Variants in MSANTD2 observed in about 807,000 individuals in gnomAD.
MSANTD2 encodes the protein myb/SANT-like DNA-binding domain-containing protein 2.
MSANTD2 carries 19 observed loss-of-function variants against 52.6 expected under a neutral mutation model. The ratio of observed to expected loss-of-function variants is 0.36; its 90% CI spans 0.25 to 0.53. MSANTD2 has a LOEUF of 0.53. MSANTD2 is among the 20% of genes least tolerant of loss of function. The pLI, the probability that MSANTD2 is intolerant of heterozygous loss-of-function variation, is 0.91. For missense variants in MSANTD2, 558 were observed against 716.3 expected (o/e 0.78, Z 2.52); for synonymous variants, 291 against 289.7 (o/e 1.00, Z -0.04).
chr11:124,788,709 G>C (rs1945244375), intron 1 of MSANTD2, among the ~76,000 whole-genome samples: 1 of 152,156 alleles, frequency 6.6e-6, no homozygotes, highest in Non-Finnish European at 1.5e-5. Flanking sequence ...CTCATGAACT[G>C]ATGGTTGATG....
At chr11:124,771,323 A>G (rs1397066581) in intron 3 of MSANTD2, among the ~76,000 whole-genome samples, 2 of 152,214 alleles carry the variant, frequency 1.3e-5, no homozygotes, top group Non-Finnish European at 2.9e-5. Flanking sequence ...AATGGCTACA[A>G]TTTGGGGGAA....
At chr11:124,797,788 G>A (rs1945540791) in intron 1 of MSANTD2, among the ~76,000 whole-genome samples, 1 of 151,968 alleles carries the variant, frequency 6.6e-6, no homozygotes. Flanking sequence ...AGGTCAACTT[G>A]GTTTTACCTG....
intron 1 of MSANTD2, among the ~76,000 whole-genome samples, chr11:124,778,438 C>T (rs1045837225): frequency 2.0e-5 from 3 of 152,126 alleles, no homozygotes; most frequent in African/African-American, 7.2e-5. Flanking sequence ...GGAAATCTCC[C>T]CGGTAAATTG....
intron 3 of MSANTD2, among the ~76,000 whole-genome samples, chr11:124,769,356 A>G (rs759619722): frequency 4.6e-5 from 7 of 152,300 alleles, no homozygotes; most frequent in Non-Finnish European, 1.0e-4. Flanking sequence ...CAAGTATGAG[A>G]GTGGCTATCT....
At chr11:124,789,396 G>C (rs1945261590) in intron 1 of MSANTD2, 1 of 152,106 alleles carries the variant, frequency 6.6e-6, no homozygotes, top group Non-Finnish European at 1.5e-5. Flanking sequence ...CTGAGAAAAT[G>C]CAACTAGAAA....
rs911389877 is a variant in MSANTD2 at position 124,779,760 on chromosome 11, G to A, written c.511-4786C>T. ...GATTACATAGTTATCTTAATCCACT[G>A]CCAAGTACACATGATAAATTTGAGA... On this transcript the variant is annotated intron_variant, in intron 1 of 3. Coordinates refer to ENST00000374979, the MANE Select transcript of MSANTD2 (RefSeq NM_001308027.2). The surrounding 1 kb of genome is among the most constrained non-coding windows in gnomAD (Gnocchi z 4.6). Among the ~76,000 whole-genome samples, 8 of 152,162 alleles carry A rather than the reference G, an allele frequency of 5.3e-5. No homozygotes were observed. The East Asian group carries it at 1.5e-3, about 29-fold the overall frequency.
intron 1 of MSANTD2, chr11:124,792,759 G>A (rs758794419): frequency 2.9e-4 from 44 of 152,090 alleles, no homozygotes; most frequent in Non-Finnish European, 4.3e-4. Context: ...ATCTGTTGAT[G>A]AATAATGAAA....
intron 1 of MSANTD2, chr11:124,784,522 C>T (rs1324493099): frequency 1.0e-6 from 1 of 984,042 alleles, no homozygotes; most frequent in Non-Finnish European, 1.2e-6. Flanking sequence ...CACAGCTTTA[C>T]CATTACAACA....
chr11:124,785,836 C>T (rs187833723), intron 1 of MSANTD2, among the ~76,000 whole-genome samples: 1 of 151,228 alleles, frequency 6.6e-6, no homozygotes, highest in African/African-American at 2.4e-5. Context: ...CCCTATTTTA[C>T]AGACAAGAAA....
chr11:124,767,217 G>A lies in MSANTD2; in HGVS notation c.1639C>T (p.Leu547=). The A allele has an allele frequency of 1.9e-6, 3 of 1,610,494 alleles. No individual in the cohort carries two copies. Among genetic ancestry groups the A allele is most frequent in the Non-Finnish European group, 8.5e-7 (1 of 1,179,072 alleles). ...AAGGGGTATCCAATGGCTTTTTCCA[G>A]GCACTCAACTAAAGAGCCTGCGGAA... ...FLSAGSLVEC[L]EKAIGYPLKF... The change falls in exon 4 of 4, where the codon CTG becomes TTG. Residue 547 remains leucine (L), a synonymous_variant. Coordinates refer to ENST00000374979, the MANE Select transcript of MSANTD2 (RefSeq NM_001308027.2). The surrounding 1 kb of genome is among the most constrained non-coding windows in gnomAD (Gnocchi z 6.5).
At chr11:124,781,268 G>A (rs1944957279) in intron 1 of MSANTD2, among the ~76,000 whole-genome samples, 1 of 152,022 alleles carries the variant, frequency 6.6e-6, no homozygotes, top group Non-Finnish European at 1.5e-5. Flanking sequence ...TACCTGCTGG[G>A]CAAGAAATCT....
Position 124,774,973 on chromosome 11 carries a change from G to C in MSANTD2, c.512C>G (p.Thr171Ser), listed in dbSNP as rs900729446. ...CACCCGACTGTAACACCTGCGAAGG[G>C]TCTAAGACACAAAGTCTTTTGTTAT... is the stretch of plus-strand genomic sequence containing the variant. Reference protein sequence around the residue: ...TPSQCRERIKTLRRCYSRVKE... With the variant: ...TPSQCRERIKSLRRCYSRVKE... Residue 171 changes from threonine (T) to serine (S), a missense_variant and splice_region_variant, in exon 2 of 4, where the codon ACC becomes AGC. By Grantham distance (58) the Thr-to-Ser change is moderately conservative. This residue lies in a region of MSANTD2 where 408 missense variants were observed against 573.6 expected (regional missense o/e 0.71). Transcript: ENST00000374979. This position sits in a 1 kb window ranked among gnomAD's most constrained non-coding sequence, Gnocchi z 5.1. 6.5e-7 allele frequency: 1 copy of C among 1,545,262 alleles called. No individual in the cohort carries two copies. Among genetic ancestry groups the C allele is most frequent in the African/African-American group, 1.4e-5 (1 of 73,336 alleles).
At chr11:124,786,786 C>T (rs1407351675) in intron 1 of MSANTD2, among the ~76,000 whole-genome samples, 1 of 152,190 alleles carries the variant, frequency 6.6e-6, no homozygotes, top group Non-Finnish European at 1.5e-5. Context: ...TGCTGTCCAT[C>T]TGGGTGTTAC....
At position 124,799,955 on chromosome 11, in the gene MSANTD2, C is replaced by G. The variant is rs776371376; in HGVS notation, c.426G>C (p.Gly142=). ...GGGACACGCGCTCGTACATGGCTGG[C>G]CCGGGGGCCTTGCTGCCGAACACCG... ...AGTVFGSKAP[G]PAMYERVSRA... The change falls in exon 1 of 4, where the codon GGG becomes GGC. Residue 142 remains glycine, a synonymous_variant. Transcript: ENST00000374979. The G allele has an allele frequency of 1.3e-6, 2 of 1,585,376 alleles. No individual in the cohort carries two copies. The highest frequency in any genetic ancestry group is 1.7e-6 in the Non-Finnish European group (2 of 1,174,658).
chr11:124,767,389 T>G lies in MSANTD2; in HGVS notation c.1467A>C (p.Leu489Phe). ...IAEVRTLQQCLFLHFQANTKT... is the reference protein window; with the variant it reads ...IAEVRTLQQCFFLHFQANTKT... ...TGGTATTCGCTTGGAAATGTAAAAA[T>G]AAGCACTGCTGTAGAGTCCTGACCT... The change falls in exon 4 of 4, where the codon TTA (leucine) becomes TTC (phenylalanine). Residue 489 changes from leucine (L) to phenylalanine (F), a missense_variant. Around this residue, in one of 2 missense-constraint regions of MSANTD2, gnomAD observed 408 missense variants for 573.6 expected, o/e 0.71. Transcript: ENST00000374979. This position sits in a 1 kb window ranked among gnomAD's most constrained non-coding sequence, Gnocchi z 6.5. The G allele has an allele frequency of 6.2e-7, 1 of 1,614,160 alleles. No homozygotes were observed. The highest frequency in any genetic ancestry group is 8.5e-7 in the Non-Finnish European group (1 of 1,180,030).
At chr11:124,788,812 T>C (rs4936953) in intron 1 of MSANTD2, among the ~76,000 whole-genome samples, 26,605 of 152,190 alleles carry the variant, frequency 0.17, 3,004 homozygotes, top group Middle Eastern at 0.31. Flanking sequence ...ATCATGTAAA[T>C]CATTCTTAAT....
intron 1 of MSANTD2, chr11:124,783,905 TG>T: frequency 1.0e-6 from 1 of 985,400 alleles, no homozygotes; most frequent in Non-Finnish European, 1.2e-6. Flanking sequence ...ACTCATACAA[TG>T]ATCTCAGATG....
rs764675677 is a variant in MSANTD2 at position 124,772,984 on chromosome 11, A to C, written c.827+10T>G. On this transcript the variant is annotated intron_variant, in intron 3 of 3. Coordinates refer to ENST00000374979, the MANE Select transcript of MSANTD2 (RefSeq NM_001308027.2). ...GACACACTTTCTGGAAAGGTGAAGCATCTACTTACTGTGCTTCTTCAGAAG... is the reference window on the plus strand; with the variant it reads ...GACACACTTTCTGGAAAGGTGAAGCCTCTACTTACTGTGCTTCTTCAGAAG... The C allele has an allele frequency of 2.7e-5, 41 of 1,536,162 alleles. No homozygotes were observed. Among genetic ancestry groups the C allele is most frequent in the Middle Eastern group, 1.7e-4 (1 of 5,894 alleles).
intron 1 of MSANTD2, chr11:124,784,444 A>G: frequency 2.0e-6 from 2 of 985,072 alleles, no homozygotes; most frequent in Non-Finnish European, 2.4e-6. Context: ...CTCCACTACG[A>G]ACTAATTATT....
Sources: allele counts gnomAD v4.1 joint callset (sites outside exome capture counted in the v4.1 genomes callset), GRCh38; gene constraint gnomAD v4.1.1; regional missense constraint gnomAD v4.1.1; non-coding constraint Gnocchi (gnomAD v3.1); transcripts MANE v1.5; gene names NCBI Gene and HGNC (gene_info 2026-07-23, HGNC 2026-07-21).